SMYD3: variants seen among roughly 807,000 people sequenced by gnomAD.
SMYD3 encodes SET and MYND domain containing 3, also known as histone-lysine N-methyltransferase SMYD3.
Under a neutral mutation model 57.7 loss-of-function variants are expected in SMYD3, and 36 were observed. The observed-to-expected ratio is 0.62, with a 90% CI of 0.48 to 0.82. The LOEUF is 0.82. SMYD3 is among the 40% of genes least tolerant of loss of function. The pLI is 0.00. For synonymous variants in SMYD3, 211 were observed against 195.0 expected, an observed-to-expected ratio of 1.08 and a Z score of -0.68; for missense variants, 515 against 538.8, an observed-to-expected ratio of 0.96 and a Z score of 0.44.
intron 11 of SMYD3, among the ~76,000 whole-genome samples, chr1:245,759,899 A>C (rs1341147629): frequency 1.3e-5 from 2 of 152,258 alleles, no homozygotes; most frequent in Non-Finnish European, 1.5e-5. Flanking sequence ...AGGAAAAAAA[A>C]CAACTCTGAT....
chr1:246,337,111 A>T (rs1289361919), intron 2 of SMYD3, among the ~76,000 whole-genome samples: 1 of 152,198 alleles, frequency 6.6e-6, no homozygotes, highest in Non-Finnish European at 1.5e-5. Flanking sequence ...TCAGTGAAAG[A>T]ACAAGCTTCT....
intron 10 of SMYD3, among the ~76,000 whole-genome samples, chr1:245,791,767 GCCACTGAAAA>G: frequency 6.6e-6 from 1 of 152,194 alleles, no homozygotes; most frequent in South Asian, 2.1e-4. Context: ...GTGTTTGGAA[GCCACTGAAAA>G]CCTCCTCCTC....
intron 4 of SMYD3, 49 bp downstream of exon 4, chr1:246,330,431 C>G (rs1260562132): frequency 1.4e-6 from 2 of 1,449,968 alleles, no homozygotes; most frequent in Non-Finnish European, 1.9e-6. Context: ...ACCAACTCAG[C>G]AAACAAATTA....
intron 1 of SMYD3, among the ~76,000 whole-genome samples, chr1:246,378,720 A>T (rs1233886866): frequency 8.3e-4 from 23 of 27,592 alleles, no homozygotes; most frequent in East Asian, 2.3e-3. Flanking sequence ...ATATAATATA[A>T]TATATTATAT....
At position 246,173,813 on chromosome 1, in the gene SMYD3, C is replaced by CT. The variant is rs113120804; in HGVS notation, c.531+153387dup. Reference sequence around the variant, plus strand: ...GCTGTTTACAGTTAATTTTTTAATGCTTTTTTTTTCTGAGACAGGGTCTTG... The same window carrying CT: ...GCTGTTTACAGTTAATTTTTTAATGCTTTTTTTTTTCTGAGACAGGGTCTTG... On this transcript the variant is annotated intron_variant, in intron 5 of 11. Transcript: ENST00000490107. Among the ~76,000 whole-genome samples the CT allele has an allele frequency of 7.5e-4, 113 of 151,054 alleles. 1 individual carries two copies. Among genetic ancestry groups the CT allele is most frequent in the African/African-American group, 2.4e-3 (97 of 41,114 alleles).
chr1:246,418,276 A>G (rs1055531467), intron 1 of SMYD3, among the ~76,000 whole-genome samples: 1 of 152,242 alleles, frequency 6.6e-6, no homozygotes, highest in Non-Finnish European at 1.5e-5. Flanking sequence ...ACTTATAAGA[A>G]ACATGAAGAG....
In SMYD3 at chr1:246,450,277, G is replaced by A. The variant is rs559098752; in HGVS notation, c.164+56777C>T. Among the ~76,000 whole-genome samples the A allele has an allele frequency of 5.9e-5, 9 of 151,538 alleles. No homozygotes were observed. In the South Asian group the frequency reaches 1.3e-3, roughly 21 times the overall value. On this transcript the variant is annotated intron_variant, in intron 1 of 11. Transcript: ENST00000490107. ...TTGCACTCCAGCCTGGGCAACAAAAGCGAAACTCTATCTCAAAAAAAAAAA... is the reference window on the plus strand; with the variant it reads ...TTGCACTCCAGCCTGGGCAACAAAAACGAAACTCTATCTCAAAAAAAAAAA...
chr1:246,237,760 C>A (rs58242770), intron 5 of SMYD3, among the ~76,000 whole-genome samples: 6,535 of 152,152 alleles, frequency 0.043, 478 homozygotes, highest in African/African-American at 0.15. Context: ...TGAATTAGAC[C>A]ATGCCATCCG....
chr1:245,796,960 T>C (rs1248860710), intron 10 of SMYD3, among the ~76,000 whole-genome samples: 6 of 152,230 alleles, frequency 3.9e-5, no homozygotes, highest in East Asian at 1.9e-4. Context: ...AAAACACCTA[T>C]GAAATAATGA....
rs757356200 is a variant in SMYD3 at position 246,462,266 on chromosome 1, G to A, written c.164+44788C>T. 2.1e-3 allele frequency among the ~76,000 whole-genome samples: 38 copies of A among 17,880 alleles called. 1 individual carries two copies. The highest frequency in any genetic ancestry group is 3.6e-3 in the Non-Finnish European group (27 of 7,582). 11.7% of individuals were successfully genotyped at this position (17,880 alleles called of 152,430 possible). On this transcript the variant is annotated intron_variant, in intron 1 of 11. Coordinates refer to ENST00000490107, the MANE Select transcript of SMYD3 (RefSeq NM_001167740.2). ...CCTGCTGGGTACAGTGCATCCTCCC[G>A]CGGGGCCTGCTGGGTACAGTGCATC...
chr1:246,139,118 C>A (rs1199050176), intron 5 of SMYD3, among the ~76,000 whole-genome samples: 2 of 152,170 alleles, frequency 1.3e-5, no homozygotes, highest in African/African-American at 4.8e-5. Context: ...AAACTCACAG[C>A]AGGTTCAGGG....
At chr1:245,816,666 A>G (rs906028001) in intron 10 of SMYD3, among the ~76,000 whole-genome samples, 3 of 152,090 alleles carry the variant, frequency 2.0e-5, no homozygotes, top group African/African-American at 7.2e-5. Flanking sequence ...AGTGCCAGAC[A>G]GTGGGCACAG....
chr1:246,466,829 C>T (rs973584155), intron 1 of SMYD3, among the ~76,000 whole-genome samples: 8 of 152,052 alleles, frequency 5.3e-5, no homozygotes, highest in Non-Finnish European at 1.2e-4. Flanking sequence ...GCCTGGGCAA[C>T]AGAGTGAGGC....
intron 1 of SMYD3, among the ~76,000 whole-genome samples, chr1:246,501,157 G>A (rs1266254125): frequency 6.6e-6 from 1 of 152,162 alleles, no homozygotes; most frequent in African/African-American, 2.4e-5. Flanking sequence ...ATTCACTTAC[G>A]CCTGGTGCTA....
At chr1:246,171,980 C>T (rs994949474) in intron 5 of SMYD3, among the ~76,000 whole-genome samples, 3 of 152,188 alleles carry the variant, frequency 2.0e-5, no homozygotes, top group African/African-American at 7.2e-5. Context: ...CACTGCATTC[C>T]ATCCTGGGTG....
chr1:246,250,402 C>T (rs1468944694), intron 5 of SMYD3, among the ~76,000 whole-genome samples: 6 of 152,138 alleles, frequency 3.9e-5, no homozygotes, highest in African/African-American at 1.4e-4. Flanking sequence ...TGTAAAAATA[C>T]AATGTTCACA....
chr1:246,008,738 C>G (rs564575826), intron 5 of SMYD3, among the ~76,000 whole-genome samples: 1 of 152,204 alleles, frequency 6.6e-6, no homozygotes, highest in East Asian at 1.9e-4. Flanking sequence ...GCAATTTTCT[C>G]GGTTTCGTTT....
intron 10 of SMYD3, among the ~76,000 whole-genome samples, chr1:245,773,819 T>C (rs1017500881): frequency 2.0e-5 from 3 of 152,232 alleles, no homozygotes; most frequent in African/African-American, 4.8e-5. Context: ...TTATTCTGTA[T>C]AGTCTATCCT....
intron 5 of SMYD3, among the ~76,000 whole-genome samples, chr1:246,173,650 G>A (rs750827537): frequency 4.6e-5 from 7 of 152,004 alleles, no homozygotes; most frequent in African/African-American, 1.2e-4. Context: ...ACACAGGGTC[G>A]GGGTCATGAA....
Sources: gnomAD v4.1 joint callset for allele counts (sites outside exome capture counted in the v4.1 genomes callset) on GRCh38, gnomAD v4.1.1 for gene constraint, MANE v1.5 for transcripts, NCBI Gene and HGNC (gene_info 2026-07-23, HGNC 2026-07-21) for gene names.